TMEM74: variants seen among roughly 807,000 people sequenced by gnomAD.
TMEM74 encodes transmembrane protein 74.
In TMEM74, 13 loss-of-function variants were observed where a neutral mutation model predicts 18.1. The ratio of observed to expected loss-of-function variants is 0.72; its 90% CI spans 0.47 to 1.14. The LOEUF is 1.14. TMEM74 is among the 50% of genes most tolerant of loss of function. The pLI, the probability that TMEM74 is intolerant of heterozygous loss-of-function variation, is 0.00. For synonymous variants in TMEM74, 159 were observed against 146.6 expected, an observed-to-expected ratio of 1.08 and a Z score of -0.61; for missense variants, 372 against 375.9, an observed-to-expected ratio of 0.99 and a Z score of 0.09.
chr8:108,619,153 T>C (rs1231721532), intron 2 of TMEM74, among the ~76,000 whole-genome samples: 1 of 152,134 alleles, frequency 6.6e-6, no homozygotes, highest in Non-Finnish European at 1.5e-5. Flanking sequence ...AGTTATTAAG[T>C]GGTAGGGTAA....
intron 1 of TMEM74, among the ~76,000 whole-genome samples, chr8:108,720,393 C>T (rs538109358): frequency 2.6e-5 from 4 of 152,280 alleles, no homozygotes; most frequent in African/African-American, 9.6e-5. Context: ...TAATAGTCTA[C>T]AATCAATTCT....
chr8:108,689,594 A>G (rs1813204714), intron 1 of TMEM74, among the ~76,000 whole-genome samples: 1 of 152,222 alleles, frequency 6.6e-6, no homozygotes, highest in African/African-American at 2.4e-5. Flanking sequence ...AAGAGCCAAG[A>G]CATGGTGCCA....
At chr8:108,642,974 C>T (rs1394511734) in intron 2 of TMEM74, among the ~76,000 whole-genome samples, 2 of 152,152 alleles carry the variant, frequency 1.3e-5, no homozygotes, top group African/African-American at 2.4e-5. Context: ...GTGTACTCAA[C>T]AAACATTTAT....
At chr8:108,658,103 G>T (rs1362406067) in intron 1 of TMEM74, among the ~76,000 whole-genome samples, 1 of 151,244 alleles carries the variant, frequency 6.6e-6, no homozygotes, top group Non-Finnish European at 1.5e-5. Flanking sequence ...ATTCCTGGTG[G>T]CTGCTGGCCA....
intron 1 of TMEM74, among the ~76,000 whole-genome samples, chr8:108,726,075 A>G (rs1031613840): frequency 4.6e-5 from 7 of 152,182 alleles, no homozygotes; most frequent in Non-Finnish European, 8.8e-5. Context: ...ATTTCGGGCC[A>G]TATTGATTGG....
chr8:108,619,413 T>C (rs912012699), intron 2 of TMEM74, among the ~76,000 whole-genome samples: 2 of 152,182 alleles, frequency 1.3e-5, no homozygotes, highest in Non-Finnish European at 2.9e-5. Context: ...GCTTCGGTTG[T>C]GTGACTCTGT....
intron 1 of TMEM74, among the ~76,000 whole-genome samples, chr8:108,704,490 G>T (rs1055803266): frequency 1.3e-5 from 2 of 152,108 alleles, no homozygotes; most frequent in African/African-American, 4.8e-5. Flanking sequence ...AGATTTCTGG[G>T]GAAGGATGTG....
At chr8:108,754,647 G>GTAGGTAGGTAGGTAGCTAGGTAGC (rs1381003600) in intron 1 of TMEM74, among the ~76,000 whole-genome samples, 17 of 139,340 alleles carry the variant, frequency 1.2e-4, no homozygotes, top group Admixed American at 3.7e-4. Context: ...GGATAGGTAG[G>GTAGGTAGGTAGGTAGCTAGGTAGC]TAGGTAGGTA....
At chr8:108,686,224 A>G (rs1813166055) in intron 1 of TMEM74, among the ~76,000 whole-genome samples, 1 of 152,162 alleles carries the variant, frequency 6.6e-6, no homozygotes, top group Non-Finnish European at 1.5e-5. Context: ...TTTGAGACAG[A>G]GTCTCGCTCT....
At chr8:108,621,274 G>A (rs1812437700) in intron 2 of TMEM74, among the ~76,000 whole-genome samples, 1 of 152,092 alleles carries the variant, frequency 6.6e-6, no homozygotes. Context: ...ATTCCACCGA[G>A]GACTCTCCAA....
intron 1 of TMEM74, among the ~76,000 whole-genome samples, chr8:108,686,548 G>A (rs994814767): frequency 1.3e-5 from 2 of 151,948 alleles, no homozygotes; most frequent in Non-Finnish European, 2.9e-5. Flanking sequence ...TTTATTGGAG[G>A]GAAGTATTAT....
chr8:108,692,008 T>C (rs1813237564), intron 1 of TMEM74, among the ~76,000 whole-genome samples: 1 of 152,184 alleles, frequency 6.6e-6, no homozygotes, highest in Non-Finnish European at 1.5e-5. Context: ...GTTCCAGGCA[T>C]TTTTTCATGT....
chr8:108,736,515 T>C (rs1813751178), intron 1 of TMEM74, among the ~76,000 whole-genome samples: 1 of 152,116 alleles, frequency 6.6e-6, no homozygotes, highest in South Asian at 2.1e-4. Flanking sequence ...TCATAGAAGC[T>C]ATAGTTTTCG....
chr8:108,681,204 G>A lies in TMEM74; in HGVS notation n.120-25767C>T, dbSNP rs1347906242. Among the ~76,000 whole-genome samples, 59 of 152,158 alleles carry A rather than the reference G, an allele frequency of 3.9e-4. No homozygotes were observed. The East Asian group carries it at 7.4e-3, about 19-fold the overall frequency. On this transcript the variant is annotated intron_variant and non_coding_transcript_variant, in intron 1 of 3. Transcript: ENST00000518838. ...ATGGAACCAAAAAAGAGCCCGCATC[G>A]CCAAGTCAATCCTAAGCCAAAAGAA... is the stretch of plus-strand genomic sequence containing the variant.
Position 108,784,308 on chromosome 8 carries a change from C to A in TMEM74, c.791G>T (p.Arg264Ile). Reference protein sequence around the residue: ...MWKGELYRRNRFASSKESAKL... With the variant: ...MWKGELYRRNIFASSKESAKL... ...TGCAGACTCTTTGGAAGAGGCAAAT[C>A]TGTTTCGACGATAGAGCTCCCCCTT... Residue 264 changes from arginine (R) to isoleucine (I), a missense_variant, in exon 2 of 2, where the codon AGA (arginine) becomes ATA (isoleucine). Arg to Ile is a moderately conservative substitution (Grantham distance 97, BLOSUM62 -3). Transcript: ENST00000297459. 6.2e-7 allele frequency: 1 copy of A among 1,614,054 alleles called. No individual in the cohort carries two copies. The highest frequency in any genetic ancestry group is 8.5e-7 in the Non-Finnish European group (1 of 1,180,020).
At chr8:108,618,680 G>A (rs1295217338) in intron 2 of TMEM74, among the ~76,000 whole-genome samples, 2 of 152,186 alleles carry the variant, frequency 1.3e-5, no homozygotes, top group African/African-American at 4.8e-5. Flanking sequence ...ATTAGTTGAA[G>A]AAGATGACAC....
At chr8:108,716,803 C>G (rs555094132) in intron 1 of TMEM74, among the ~76,000 whole-genome samples, 1 of 150,388 alleles carries the variant, frequency 6.6e-6, no homozygotes, top group East Asian at 2.0e-4. Flanking sequence ...ACAAAAAATA[C>G]ATGTAAAATA....
exon 4 of TMEM74, chr8:108,607,641 A>G (rs2130529725): frequency 6.6e-6 from 1 of 152,358 alleles, no homozygotes; most frequent in East Asian, 1.9e-4. Flanking sequence ...TATTCTGTCC[A>G]TAAATGGCCT....
At chr8:108,668,506 A>G (rs1381058230) in intron 1 of TMEM74, among the ~76,000 whole-genome samples, 1 of 152,152 alleles carries the variant, frequency 6.6e-6, no homozygotes, top group Non-Finnish European at 1.5e-5. Context: ...TACTACTACT[A>G]CTATTGGTAA....
Sources: allele counts gnomAD v4.1 joint callset (sites outside exome capture counted in the v4.1 genomes callset), GRCh38; gene constraint gnomAD v4.1.1; transcripts MANE v1.5; gene names NCBI Gene and HGNC (gene_info 2026-07-23, HGNC 2026-07-21).